RARB: variants seen among roughly 807,000 people sequenced by gnomAD.
RARB encodes HBV-activated protein.
In RARB, 17 loss-of-function variants were observed where a neutral mutation model predicts 51.9. That is an observed-to-expected ratio of 0.33 (90% CI 0.22 to 0.49). The LOEUF (loss-of-function observed/expected upper bound fraction) is 0.49. Ranked by LOEUF, RARB falls within the 20% of genes least tolerant of loss-of-function variation. The probability of loss-of-function intolerance (pLI) is 0.99; values close to 1 mark genes in which losing one functional copy is unlikely to be tolerated. For synonymous variants in RARB, 215 were observed against 195.4 expected (o/e 1.10, Z -0.84); for missense variants, 369 against 550.8 (o/e 0.67, Z 3.30).
intron 3 of RARB, among the ~76,000 whole-genome samples, chr3:25,512,583 A>G (rs1697949708): frequency 6.6e-6 from 1 of 152,224 alleles, no homozygotes; most frequent in Non-Finnish European, 1.5e-5. Context: ...CTCTCATGTG[A>G]CACAGCATCC....
rs1329845530 is a variant in RARB, at chr3:24,968,948, G to A, written c.-379-91177G>A. ...TTTATTGAATACCTTCTAATGCCAA[G>A]TACTTTTCTGGGTAATTTTAGGTAC... On this transcript the variant is annotated intron_variant, in intron 2 of 11. Transcript: ENST00000383772. Among the ~76,000 whole-genome samples the A allele has an allele frequency of 3.3e-5, 5 of 151,746 alleles. No individual in the cohort carries two copies. In the South Asian group the frequency reaches 6.2e-4, roughly 19 times the overall value.
At chr3:25,112,686 G>A (rs149807390) in intron 3 of RARB, among the ~76,000 whole-genome samples, 4 of 152,120 alleles carry the variant, frequency 2.6e-5, no homozygotes, top group Admixed American at 6.5e-5. Context: ...GCTGAGGTAG[G>A]AGAATCACTT....
intron 1 of RARB, among the ~76,000 whole-genome samples, chr3:25,460,469 A>C (rs1695125431): frequency 1.1e-5 from 1 of 91,856 alleles, no homozygotes; most frequent in African/African-American, 4.8e-5. Context: ...TATTTTTGAG[A>C]CGGAGTCTTG....
At chr3:25,345,913 A>T in intron 5 of RARB, 12 of 882,344 alleles carry the variant, frequency 1.4e-5, no homozygotes, top group Non-Finnish European at 1.6e-5. Flanking sequence ...GTTTAAAAAA[A>T]GAGAGAAAAA....
At chr3:25,563,657 C>T (rs1406283660) in intron 3 of RARB, among the ~76,000 whole-genome samples, 1 of 152,196 alleles carries the variant, frequency 6.6e-6, no homozygotes. Flanking sequence ...AGCTCGTTTA[C>T]ATGATGAGAT....
chr3:25,278,282 A>C (rs1212930758), intron 5 of RARB, among the ~76,000 whole-genome samples: 1 of 152,210 alleles, frequency 6.6e-6, no homozygotes, highest in African/African-American at 2.4e-5. Context: ...GTAAAGATTA[A>C]ATGAAATAAT....
At chr3:25,466,209 C>T (rs757446035) in intron 2 of RARB, among the ~76,000 whole-genome samples, 8 of 152,134 alleles carry the variant, frequency 5.3e-5, no homozygotes, top group African/African-American at 1.4e-4. Context: ...TTTGTTGAGA[C>T]GGAGTTTCAC....
chr3:25,137,795 T>C (rs1352852819), intron 4 of RARB, among the ~76,000 whole-genome samples: 1 of 151,996 alleles, frequency 6.6e-6, no homozygotes. Context: ...TTAGCCAGAG[T>C]CCACCCTTCT....
intron 5 of RARB, among the ~76,000 whole-genome samples, chr3:25,193,811 A>G (rs980764903): frequency 1.3e-5 from 2 of 152,014 alleles, no homozygotes; most frequent in Admixed American, 1.3e-4. Context: ...TAAACGTGCA[A>G]TATTTACATT....
intron 5 of RARB, among the ~76,000 whole-genome samples, chr3:25,182,364 T>TGGTGC (rs1700879306): frequency 6.6e-6 from 1 of 152,156 alleles, no homozygotes; most frequent in Admixed American, 6.6e-5. Flanking sequence ...GTACTGGGCA[T>TGGTGC]GGTGCTGGGA....
At chr3:25,595,513 G>C (rs970909360) in intron 7 of RARB, among the ~76,000 whole-genome samples, 4 of 152,338 alleles carry the variant, frequency 2.6e-5, no homozygotes, top group Admixed American at 1.3e-4. Context: ...GCAGATACCA[G>C]TGTGGTTGTG....
rs554667001 is a variant in RARB, at chr3:25,399,816, A to G, written c.179-61377A>G. Among the ~76,000 whole-genome samples, 11 of 152,332 alleles carry G rather than the reference A, an allele frequency of 7.2e-5. No homozygotes were observed. The East Asian group carries it at 1.9e-3, about 27-fold the overall frequency. On this transcript the variant is annotated intron_variant, in intron 5 of 11. Coordinates refer to the RARB transcript ENST00000383772. ...GTCTCACAGGCAGAGACTGTTGCAT[A>G]TAACTAGCAAGTCTCCCATAAGCTA...
At chr3:24,913,169 A>T (rs1695033801) in intron 2 of RARB, among the ~76,000 whole-genome samples, 1 of 151,444 alleles carries the variant, frequency 6.6e-6, no homozygotes, top group African/African-American at 2.4e-5. Flanking sequence ...TATTTTTAGT[A>T]GAGACGGGGT....
At chr3:25,381,415 C>T (rs1706621732) in intron 5 of RARB, among the ~76,000 whole-genome samples, 1 of 152,126 alleles carries the variant, frequency 6.6e-6, no homozygotes, top group African/African-American at 2.4e-5. Flanking sequence ...GCTGTGTAAC[C>T]TTAGGAAAGT....
intron 3 of RARB, among the ~76,000 whole-genome samples, chr3:25,510,816 C>T (rs1697855574): frequency 6.6e-6 from 1 of 152,010 alleles, no homozygotes; most frequent in South Asian, 2.1e-4. Flanking sequence ...TTTTTATTAC[C>T]AATGAGAAAA....
At chr3:24,837,325 C>T (rs1221931365) in intron 1 of RARB, among the ~76,000 whole-genome samples, 1 of 152,144 alleles carries the variant, frequency 6.6e-6, no homozygotes, top group East Asian at 1.9e-4. Context: ...TAAGATTTTT[C>T]CACTAGTGAA....
chr3:25,323,767 C>G (rs1208560133), intron 5 of RARB, among the ~76,000 whole-genome samples: 3 of 152,090 alleles, frequency 2.0e-5, no homozygotes, highest in East Asian at 3.9e-4. Context: ...AAACCACAGC[C>G]CTAAAATGGA....
chr3:25,251,046 G>T (rs551854087), intron 5 of RARB, among the ~76,000 whole-genome samples: 4 of 152,080 alleles, frequency 2.6e-5, no homozygotes, highest in Non-Finnish European at 5.9e-5. Context: ...AGTGTTCTCT[G>T]TTAGGTGTTC....
At chr3:25,546,725 G>A (rs1279547991) in intron 3 of RARB, among the ~76,000 whole-genome samples, 1 of 152,162 alleles carries the variant, frequency 6.6e-6, no homozygotes, top group African/African-American at 2.4e-5. Flanking sequence ...AAGACTCGAA[G>A]GAGGTGAGGG....
Sources: allele counts gnomAD v4.1 joint callset (sites outside exome capture counted in the v4.1 genomes callset), GRCh38; gene constraint gnomAD v4.1.1; transcripts MANE v1.5; gene names NCBI Gene and HGNC (gene_info 2026-07-23, HGNC 2026-07-21).